The following ACAP2 variants were observed in gnomAD, a reference collection of about 807,000 sequenced individuals.
ACAP2 encodes the protein arf-GAP with coiled-coil, ANK repeat and PH domain-containing protein 2.
A neutral mutation model predicts 115.8 loss-of-function variants in ACAP2; 39 were observed. The observed-to-expected ratio is 0.34, with a 90% CI of 0.26 to 0.44. The LOEUF (loss-of-function observed/expected upper bound fraction) is 0.44. Among genes scored for constraint, ACAP2 ranks in the 20% least tolerant of loss-of-function variants. The probability of loss-of-function intolerance (pLI) is 1.00; values close to 1 mark genes in which losing one functional copy is unlikely to be tolerated. For missense variants in ACAP2, 662 were observed against 927.6 expected (o/e 0.71, Z 3.72); for synonymous variants, 289 against 315.8 (o/e 0.92, Z 0.90).
Position 195,381,004 on chromosome 3 carries a change from C to T in ACAP2, c.285+5G>A. 2 of 1,596,100 alleles carry T rather than the reference C, an allele frequency of 1.3e-6. No individual in the cohort carries two copies. The highest frequency in any genetic ancestry group is 1.7e-6 in the Non-Finnish European group (2 of 1,175,318). On this transcript the variant is annotated splice_donor_5th_base_variant and intron_variant, in intron 4 of 22. Coordinates refer to ENST00000326793, the MANE Select transcript of ACAP2 (RefSeq NM_012287.6). The stretch of plus-strand genomic sequence containing the variant: ...TCATAGTAACACCTACTTACTGACA[C>T]TTACTGTGTGAAAATTTATCATTTC...
intron 9 of ACAP2, among the ~76,000 whole-genome samples, chr3:195,325,203 T>C (rs1022881352): frequency 6.6e-6 from 1 of 152,190 alleles, no homozygotes; most frequent in Non-Finnish European, 1.5e-5. Context: ...TAGCATTATC[T>C]ACTTATGCTA....
intron 4 of ACAP2, among the ~76,000 whole-genome samples, chr3:195,351,258 C>A (rs1731565818): frequency 6.6e-6 from 1 of 151,714 alleles, no homozygotes; most frequent in South Asian, 2.1e-4. Context: ...GCTGGGATTA[C>A]AGGGGCATGC....
intron 4 of ACAP2, among the ~76,000 whole-genome samples, chr3:195,363,006 A>G (rs529976181): frequency 6.6e-6 from 1 of 152,212 alleles, no homozygotes; most frequent in Non-Finnish European, 1.5e-5. Flanking sequence ...TGGCAAGAAT[A>G]AAGTCAAATT....
At chr3:195,360,514 G>A (rs1732279334) in intron 4 of ACAP2, among the ~76,000 whole-genome samples, 1 of 152,250 alleles carries the variant, frequency 6.6e-6, no homozygotes, top group African/African-American at 2.4e-5. Flanking sequence ...CTGCACTACA[G>A]GCCAGGTGCA....
In ACAP2 at chr3:195,277,328, T is replaced by C. The variant is rs1249121275; in HGVS notation, c.*2000A>G. The C allele has an allele frequency of 6.6e-6, 1 of 152,230 alleles. No homozygotes were observed. Among genetic ancestry groups the C allele is most frequent in the African/African-American group, 2.4e-5 (1 of 41,466 alleles). The allele number at this position is 152,230 out of a possible 1,614,324, so 9.4% of individuals were successfully genotyped here. The stretch of plus-strand genomic sequence containing the variant: ...AAACTACAAATCAGATTTTTGCCTT[T>C]AGTGAAGGTGCCTAAAAAGCCAGAT... On this transcript the variant is annotated 3_prime_UTR_variant, in exon 23 of 23. Coordinates refer to ENST00000326793, the MANE Select transcript of ACAP2 (RefSeq NM_012287.6).
intron 21 of ACAP2, among the ~76,000 whole-genome samples, chr3:195,287,317 A>G (rs1726908410): frequency 6.6e-6 from 1 of 152,274 alleles, no homozygotes; most frequent in African/African-American, 2.4e-5. Context: ...AGACCTCAAA[A>G]TTATTTAAAA....
intron 12 of ACAP2, chr3:195,306,951 CTCATATGATTTCAAT>C: frequency 2.9e-6 from 1 of 340,038 alleles, no homozygotes; most frequent in South Asian, 5.5e-5. Flanking sequence ...ATCAAAGAAA[CTCATATGATTTCAAT>C]TCATCATAAT....
At chr3:195,392,034 C>A in intron 2 of ACAP2, 56 bp downstream of exon 2, 1 of 1,425,072 alleles carries the variant, frequency 7.0e-7, no homozygotes, top group South Asian at 1.2e-5. Context: ...AGGTACTAAT[C>A]ATTATTTACA....
intron 1 of ACAP2, among the ~76,000 whole-genome samples, chr3:195,416,535 A>T (rs968716920): frequency 6.6e-6 from 1 of 152,186 alleles, no homozygotes; most frequent in Non-Finnish European, 1.5e-5. Context: ...ACACCTTTAG[A>T]AAGCATTTGG....
At chr3:195,335,379 G>T (rs781046473) in intron 7 of ACAP2, among the ~76,000 whole-genome samples, 4 of 152,110 alleles carry the variant, frequency 2.6e-5, no homozygotes, top group Admixed American at 2.6e-4. Context: ...ACTTTGCAGT[G>T]TATTAGTGAA....
In ACAP2 at chr3:195,336,965, A is replaced by C. The variant is rs1160491226; in HGVS notation, c.540T>G (p.Leu180=). ...ALDYVLQINV[L]QSKRRSEILK... ...GGATTTCTGATCTCCTTTTTGATTG[A>C]AGAACATTAATCTGAGGGAAAACAC... Residue 180 remains leucine, a synonymous_variant, in exon 7 of 23, where the codon CTT becomes CTG. Coordinates refer to ENST00000326793, the MANE Select transcript of ACAP2 (RefSeq NM_012287.6). 1.2e-6 allele frequency: 2 copies of C among 1,610,780 alleles called. No individual in the cohort carries two copies. The highest frequency in any genetic ancestry group is 1.7e-5 in the Admixed American group (1 of 59,552).
At chr3:195,279,514 T>C (rs976352743) in intron 22 of ACAP2, 86 bp from the exon 23 acceptor site, 1 of 788,604 alleles carries the variant, frequency 1.3e-6, no homozygotes, top group African/African-American at 1.8e-5. Context: ...TACTATTTTA[T>C]AATTCATTAC....
intron 11 of ACAP2, 143 bp from the exon 12 acceptor site, chr3:195,307,466 T>C (rs1483572565): frequency 5.4e-6 from 3 of 559,022 alleles, no homozygotes; most frequent in Non-Finnish European, 9.5e-6. Context: ...GTTATCAATA[T>C]AGACATAAAA....
intron 10 of ACAP2, among the ~76,000 whole-genome samples, chr3:195,312,421 A>C (rs916134653): frequency 6.6e-6 from 1 of 152,216 alleles, no homozygotes; most frequent in Non-Finnish European, 1.5e-5. Context: ...ATTTTTAAAA[A>C]GAGTTTACTA....
chr3:195,367,644 G>A (rs987279074), intron 4 of ACAP2, among the ~76,000 whole-genome samples: 9 of 152,182 alleles, frequency 5.9e-5, no homozygotes, highest in African/African-American at 1.9e-4. Flanking sequence ...GAAGTGATGC[G>A]ATGTGACTTG....
intron 14 of ACAP2, 55 bp from the exon 15 acceptor site, chr3:195,301,699 G>A (rs41266997): frequency 0.13 from 198,093 of 1,513,962 alleles, 18,106 homozygotes; most frequent in East Asian, 0.53. Context: ...GCGTATTTGC[G>A]CAAGTTCTGT....
intron 4 of ACAP2, among the ~76,000 whole-genome samples, chr3:195,363,163 T>C (rs1481414916): frequency 2.0e-5 from 3 of 152,072 alleles, no homozygotes; most frequent in Non-Finnish European, 2.9e-5. Flanking sequence ...GTGAAGAATC[T>C]GAAAAAGAAA....
At chr3:195,439,094 C>CT (rs1715808077) in intron 1 of ACAP2, among the ~76,000 whole-genome samples, 1 of 149,960 alleles carries the variant, frequency 6.7e-6, no homozygotes, top group African/African-American at 2.5e-5. Context: ...GAAATAGAAT[C>CT]TAAAAATGAA....
chr3:195,335,205 A>G (rs1309720223), intron 7 of ACAP2, among the ~76,000 whole-genome samples: 1 of 152,168 alleles, frequency 6.6e-6, no homozygotes, highest in African/African-American at 2.4e-5. Context: ...TTATAATAGC[A>G]CAGTTGAATA....
Sources: allele counts gnomAD v4.1 joint callset (sites outside exome capture counted in the v4.1 genomes callset), GRCh38; gene constraint gnomAD v4.1.1; transcripts MANE v1.5; gene names NCBI Gene and HGNC (gene_info 2026-07-23, HGNC 2026-07-21).